TATDN1: variants seen among roughly 807,000 people sequenced by gnomAD.
TATDN1 encodes deoxyribonuclease TATDN1.
TATDN1 carries 40 observed loss-of-function variants against 46.4 expected under a neutral mutation model. The observed-to-expected ratio is 0.86, with a 90% CI of 0.67 to 1.12. The LOEUF is 1.12. Ranked by LOEUF, TATDN1 falls within the 50% of genes most tolerant of loss-of-function variation. The pLI, the probability that TATDN1 is intolerant of heterozygous loss-of-function variation, is 0.00. For synonymous variants in TATDN1, 95 were observed against 105.6 expected (o/e 0.90, Z 0.62); for missense variants, 326 against 348.4 (o/e 0.94, Z 0.51).
At chr8:124,520,301 G>T (rs1819913329) in intron 3 of TATDN1, among the ~76,000 whole-genome samples, 3 of 152,108 alleles carry the variant, frequency 2.0e-5, no homozygotes, top group Admixed American at 2.0e-4. Context: ...GCCAGGCGTG[G>T]TGGCAGGCCC....
intron 3 of TATDN1, among the ~76,000 whole-genome samples, chr8:124,520,131 C>T (rs1819895910): frequency 6.6e-6 from 1 of 152,176 alleles, no homozygotes; most frequent in South Asian, 2.1e-4. Flanking sequence ...AAATCCTTGA[C>T]TATCTGTAAA....
chr8:124,533,041 A>G (rs1821103276), intron 1 of TATDN1, among the ~76,000 whole-genome samples: 2 of 152,178 alleles, frequency 1.3e-5, no homozygotes, highest in African/African-American at 4.8e-5. Context: ...TGACGAGGTC[A>G]GGAGATCGAG....
At chr8:124,514,531 G>T (rs1347152072) in intron 6 of TATDN1, among the ~76,000 whole-genome samples, 1 of 152,082 alleles carries the variant, frequency 6.6e-6, no homozygotes, top group African/African-American at 2.4e-5. Context: ...TCATATTTCT[G>T]CATACTATGA....
intron 11 of TATDN1, chr8:124,489,392 T>A (rs1441431976): frequency 7.0e-6 from 1 of 143,420 alleles, no homozygotes; most frequent in Non-Finnish European, 1.5e-5. Flanking sequence ...TCCTTTCTTT[T>A]TCTTTCCTTT....
intron 6 of TATDN1, among the ~76,000 whole-genome samples, chr8:124,515,077 G>A (rs917030265): frequency 2.6e-5 from 4 of 152,156 alleles, no homozygotes; most frequent in African/African-American, 9.7e-5. Flanking sequence ...GACGCAGGCT[G>A]CTGTGCCTGG....
At chr8:124,503,550 A>G (rs7845008) in intron 9 of TATDN1, among the ~76,000 whole-genome samples, 23,400 of 152,256 alleles carry the variant, frequency 0.15, 2,276 homozygotes, top group Admixed American at 0.24. Flanking sequence ...ATTTCCCTAG[A>G]TTTTAGTCAA....
intron 6 of TATDN1, among the ~76,000 whole-genome samples, chr8:124,512,205 T>C (rs1050764851): frequency 6.6e-6 from 1 of 152,082 alleles, no homozygotes; most frequent in African/African-American, 2.4e-5. Flanking sequence ...GGCGGATCAC[T>C]TGAGGTCTGG....
At chr8:124,517,425 C>CAAAAAAAAAA (rs540696612) in intron 4 of TATDN1, among the ~76,000 whole-genome samples, 1 of 67,190 alleles carries the variant, frequency 1.5e-5, no homozygotes. Context: ...AAGACTGTCT[C>CAAAAAAAAAA]AAAAAAAAAA....
rs138885971 is a variant in TATDN1 at position 124,511,960 on chromosome 8, G to C, written c.390-3272C>G. Among the ~76,000 whole-genome samples, 65 of 152,284 alleles carry C rather than the reference G, an allele frequency of 4.3e-4. No individual in the cohort carries two copies. In the East Asian group the frequency reaches 5.6e-3, roughly 13 times the overall value. On this transcript the variant is annotated intron_variant, in intron 6 of 11. Coordinates refer to ENST00000276692, the MANE Select transcript of TATDN1 (RefSeq NM_032026.4). ...AAGGCAGTTGTAAATCTCACCCAAA[G>C]ATCTGCTGATTCCAAAGCTCATCCT...
chr8:124,538,634 G>T lies in TATDN1; in HGVS notation c.22+391C>A, dbSNP rs62527912. ...GATATGAACGAATGAATGCTTGAGTGAATTGGTCCCCAGAAGCGGTCAGCC... is the reference window on the plus strand; with the variant it reads ...GATATGAACGAATGAATGCTTGAGTTAATTGGTCCCCAGAAGCGGTCAGCC... On this transcript the variant is annotated intron_variant, in intron 1 of 11. Coordinates refer to ENST00000276692, the MANE Select transcript of TATDN1 (RefSeq NM_032026.4). Among the ~76,000 whole-genome samples, 947 of 152,330 alleles carry T rather than the reference G, an allele frequency of 6.2e-3. 10 individuals are homozygous for T. The highest frequency in any genetic ancestry group is 8.7e-3 in the Non-Finnish European group (589 of 68,032).
chr8:124,508,236 T>G (rs1818682740), intron 8 of TATDN1, among the ~76,000 whole-genome samples: 1 of 152,222 alleles, frequency 6.6e-6, no homozygotes, highest in South Asian at 2.1e-4. Context: ...AGTCTAAACA[T>G]GAAATTCATT....
At position 124,530,090 on chromosome 8, in the gene TATDN1, C is replaced by CAA. The variant is rs36019055; in HGVS notation, c.23-7090_23-7089dup. On this transcript the variant is annotated intron_variant, in intron 1 of 11. Transcript: ENST00000276692. ...TGGGTAACAGGCCAAGACTCAGTCT[C>CAA]AAAAAAAAACCATAAAAAACCCAAA... Among the ~76,000 whole-genome samples, 183 of 149,536 alleles carry CAA rather than the reference C, an allele frequency of 1.2e-3. 1 individual carries two copies. The highest frequency in any genetic ancestry group is 4.1e-3 in the African/African-American group (169 of 40,750).
intron 3 of TATDN1, chr8:124,521,794 G>A (rs2131519575): frequency 5.9e-6 from 1 of 168,560 alleles, no homozygotes; most frequent in Middle Eastern, 2.6e-3. Context: ...TACACTTGGT[G>A]TCAGGTACAT....
At chr8:124,518,334 C>T (rs1410889819) in intron 4 of TATDN1, among the ~76,000 whole-genome samples, 5 of 148,028 alleles carry the variant, frequency 3.4e-5, no homozygotes, top group Non-Finnish European at 7.4e-5. Flanking sequence ...ACCATCCTGG[C>T]TAACATGGTG....
chr8:124,495,602 A>T (rs1338886846), intron 9 of TATDN1, 60 bp from the exon 10 acceptor site: 1 of 1,323,948 alleles, frequency 7.6e-7, no homozygotes, highest in Non-Finnish European at 1.0e-6. Context: ...CTTTTTTCGT[A>T]TCACAACTTG....
chr8:124,528,773 T>C (rs1820716635), intron 1 of TATDN1, among the ~76,000 whole-genome samples: 1 of 152,210 alleles, frequency 6.6e-6, no homozygotes, highest in Non-Finnish European at 1.5e-5. Context: ...TTGATAATGG[T>C]ATCTAATGTG....
intron 1 of TATDN1, among the ~76,000 whole-genome samples, chr8:124,532,563 C>T (rs562749179): frequency 2.0e-5 from 3 of 152,238 alleles, no homozygotes; most frequent in African/African-American, 4.8e-5. Context: ...GGATTACAGG[C>T]GTGAGCCACT....
intron 10 of TATDN1, chr8:124,494,165 C>T: frequency 7.8e-6 from 3 of 382,820 alleles, no homozygotes; most frequent in Non-Finnish European, 9.1e-6. Context: ...CACTTCTATT[C>T]CTTTTTTCTG....
intron 6 of TATDN1, among the ~76,000 whole-genome samples, chr8:124,512,100 C>G (rs1363021997): frequency 6.6e-6 from 1 of 152,108 alleles, no homozygotes; most frequent in Non-Finnish European, 1.5e-5. Context: ...TCTCATACAT[C>G]TCCTTTTTCC....
Sources: gnomAD v4.1 joint callset for allele counts (sites outside exome capture counted in the v4.1 genomes callset) on GRCh38, gnomAD v4.1.1 for gene constraint, MANE v1.5 for transcripts, NCBI Gene and HGNC (gene_info 2026-07-23, HGNC 2026-07-21) for gene names.